DIRAS1: variants seen among roughly 807,000 people sequenced by gnomAD.
DIRAS1 encodes DIRAS family GTPase 1, also known as GTP-binding protein Di-Ras1.
In DIRAS1, 3 loss-of-function variants were observed where a neutral mutation model predicts 11.5. The observed-to-expected ratio is 0.26, with a 90% confidence interval of 0.12 to 0.67. DIRAS1 has a LOEUF of 0.67. Ranked by LOEUF, DIRAS1 falls within the 30% of genes least tolerant of loss-of-function variation. DIRAS1 has a pLI of 0.80. For synonymous variants in DIRAS1, 128 were observed against 125.8 expected (o/e 1.02, Z -0.12); for missense variants, 212 against 285.3 (o/e 0.74, Z 1.85).
rs1913881748 is a variant in DIRAS1 at position 2,718,551 on chromosome 19, GT to G, written c.-69-677del. 6.6e-6 allele frequency among the ~76,000 whole-genome samples: 1 copy of G among 152,182 alleles called. No individual in the cohort carries two copies. Among genetic ancestry groups the G allele is most frequent in the African/African-American group, 2.4e-5 (1 of 41,434 alleles). On this transcript the variant is annotated intron_variant, in intron 1 of 1. Transcript: ENST00000323469. The surrounding 1 kb of genome is among the most constrained non-coding windows in gnomAD (Gnocchi z 4.2). ...ATTTATTTATTTATTTTTAGACAGA[GT>G]TTCGCTCTTGCTGCCCAGGCTGGAG...
Position 2,717,440 on chromosome 19 carries a change from A to G in DIRAS1, c.367T>C (p.Cys123Arg), listed in dbSNP as rs1246355680. Residue 123 changes from cysteine to arginine, a missense_variant, in exon 2 of 2, where the codon TGC becomes CGC. Around this residue, in one of 2 missense-constraint regions of DIRAS1, gnomAD observed 128 missense variants for 205.3 expected, o/e 0.62. Transcript: ENST00000323469. ...TCCACCTCCCGCTGCGTCTCATCGC[A>G]CTTGTTGCCCACGAGCATCACGGGG... Reference protein sequence around the residue: ...DIPVMLVGNKCDETQREVDTR... With the variant: ...DIPVMLVGNKRDETQREVDTR... The G allele has an allele frequency of 6.2e-7, 1 of 1,609,376 alleles. No homozygotes were observed. The highest frequency in any genetic ancestry group is 8.5e-7 in the Non-Finnish European group (1 of 1,179,980).
At chr19:2,719,211 A>AAATAG (rs1364571123) in intron 1 of DIRAS1, 1 of 152,208 alleles carries the variant, frequency 6.6e-6, no homozygotes, top group African/African-American at 2.4e-5. Flanking sequence ...AAATCAGGGC[A>AAATAG]CTGATTCCCA....
Position 2,717,617 on chromosome 19 carries a change from C to T in DIRAS1, c.190G>A (p.Gly64Ser), listed in dbSNP as rs1913854152. ...VCTLQITDTT[G>S]SHQFPAMQRL... ...TGCATGGCCGGGAACTGGTGGCTGC[C>T]GGTGGTGTCTGTGATCTGCAGCGTG... Residue 64 changes from glycine to serine, a missense_variant, in exon 2 of 2, where the codon GGC becomes AGC. Gly to Ser is a moderately conservative substitution (Grantham distance 56). This residue lies in a region of DIRAS1 where 128 missense variants were observed against 205.3 expected (regional missense o/e 0.62). Transcript: ENST00000323469. 2 of 1,613,282 alleles carry T rather than the reference C, an allele frequency of 1.2e-6. No individual in the cohort carries two copies. The highest frequency in any genetic ancestry group is 1.7e-6 in the Non-Finnish European group (2 of 1,179,958).
chr19:2,719,711 G>A (rs1276025096), intron 1 of DIRAS1, among the ~76,000 whole-genome samples: 1 of 151,982 alleles, frequency 6.6e-6, no homozygotes, highest in Non-Finnish European at 1.5e-5. Flanking sequence ...GTTCCCCGGG[G>A]GTCAGTGGTT....
In DIRAS1 at chr19:2,718,348, C is replaced by T. The variant is rs781540620; in HGVS notation, c.-69-473G>A. On this transcript the variant is annotated intron_variant, in intron 1 of 1. Coordinates refer to ENST00000323469, the MANE Select transcript of DIRAS1 (RefSeq NM_145173.4). This position sits in a 1 kb window ranked among gnomAD's most constrained non-coding sequence, Gnocchi z 4.2. ...CCTGTTTGGTGGCTCAAACGGTGCCCGTCTCCAACAACCATGGGTCCCCTG... is the reference window on the plus strand; with the variant it reads ...CCTGTTTGGTGGCTCAAACGGTGCCTGTCTCCAACAACCATGGGTCCCCTG... Among the ~76,000 whole-genome samples the T allele has an allele frequency of 4.6e-5, 7 of 152,130 alleles. No individual in the cohort carries two copies. Among genetic ancestry groups the T allele is most frequent in the Non-Finnish European group, 8.8e-5 (6 of 68,026 alleles).
At position 2,717,726 on chromosome 19, in the gene DIRAS1, G is replaced by A. The variant is rs762064600; in HGVS notation, c.81C>T (p.Phe27=). The change falls in exon 2 of 2, where the codon TTC becomes TTT. Residue 27 remains phenylalanine, a synonymous_variant. Coordinates refer to ENST00000323469, the MANE Select transcript of DIRAS1 (RefSeq NM_145173.4). The stretch of plus-strand genomic sequence containing the variant: ...AGGTGTCGCGGAACGTGCCCTTCAC[G>A]AAGCGCAGCACCAGCGAGCTCTTGC... ...GVGKSSLVLR[F]VKGTFRDTYI... 5.6e-6 allele frequency: 9 copies of A among 1,607,422 alleles called. No individual in the cohort carries two copies. Among genetic ancestry groups the A allele is most frequent in the East Asian group, 4.5e-5 (2 of 44,890 alleles).
chr19:2,720,093 G>T (rs1367267908), intron 1 of DIRAS1, among the ~76,000 whole-genome samples: 3 of 152,062 alleles, frequency 2.0e-5, no homozygotes, highest in Admixed American at 2.0e-4. Context: ...TGGACTACAT[G>T]CATAGTAATT....
chr19:2,718,298 TGCCGA>T lies in DIRAS1; in HGVS notation c.-69-428_-69-424del, dbSNP rs1301920769. Among the ~76,000 whole-genome samples, 1 of 152,116 alleles carries T rather than the reference TGCCGA, an allele frequency of 6.6e-6. No individual in the cohort carries two copies. The highest frequency in any genetic ancestry group is 2.4e-5 in the African/African-American group (1 of 41,426). On this transcript the variant is annotated intron_variant, in intron 1 of 1. Coordinates refer to ENST00000323469, the MANE Select transcript of DIRAS1 (RefSeq NM_145173.4). This position sits in a 1 kb window ranked among gnomAD's most constrained non-coding sequence, Gnocchi z 4.2. ...CCACACCTGCCTGGCTCTGAGACCT[TGCCGA>T]GCCATCATGCCACCCTGAGCCTGTT...
intron 1 of DIRAS1, among the ~76,000 whole-genome samples, chr19:2,720,605 T>G (rs1489043842): frequency 6.7e-6 from 1 of 148,998 alleles, no homozygotes; most frequent in Non-Finnish European, 1.5e-5. Context: ...GCAGGGCCAA[T>G]CTACCCCAGC....
At chr19:2,721,074 G>A (rs1471126156) in intron 1 of DIRAS1, among the ~76,000 whole-genome samples, 1 of 150,520 alleles carries the variant, frequency 6.6e-6, no homozygotes, top group Admixed American at 6.6e-5. Flanking sequence ...GCGCCCTCCG[G>A]GTGGGGGAGG....
intron 1 of DIRAS1, among the ~76,000 whole-genome samples, chr19:2,719,945 A>G (rs1301176278): frequency 1.3e-5 from 2 of 152,306 alleles, no homozygotes; most frequent in East Asian, 3.9e-4. Flanking sequence ...CTTCTGGATT[A>G]TCAAGGGTAA....
chr19:2,717,936 C>G, intron 1 of DIRAS1, 61 bp from the exon 2 acceptor site: 3 of 968,458 alleles, frequency 3.1e-6, no homozygotes, highest in Non-Finnish European at 4.5e-6. Flanking sequence ...CAGCCCCACG[C>G]CCCGGGGAGG....
chr19:2,716,869 G>A lies in DIRAS1; in HGVS notation c.*341C>T, dbSNP rs1164214167. On this transcript the variant is annotated 3_prime_UTR_variant, in exon 2 of 2. Transcript: ENST00000323469. ...CCCCAGGGAAAGAGATGGAAACGGG[G>A]AAACGCAGCCTCCTCTGGTCCTGGT... is the stretch of plus-strand genomic sequence containing the variant. 1 of 293,390 alleles carries A rather than the reference G, an allele frequency of 3.4e-6. No homozygotes were observed. Among genetic ancestry groups the A allele is most frequent in the Non-Finnish European group, 6.3e-6 (1 of 157,608 alleles). The allele number at this position is 293,390 out of a possible 1,614,324, so 18.2% of individuals were successfully genotyped here. A position where few individuals can be genotyped will look rare whatever the true frequency, so the allele number is the denominator to read the frequency against.
At position 2,715,061 on chromosome 19, in the gene DIRAS1, G is replaced by C. The variant is rs1175156330; in HGVS notation, c.*2149C>G. ...CAATGCCAGCTCTTCTGGGAGCCCG[G>C]TCCACGTGCTGGATAGCAACACACA... On this transcript the variant is annotated 3_prime_UTR_variant, in exon 2 of 2. Coordinates refer to ENST00000323469, the MANE Select transcript of DIRAS1 (RefSeq NM_145173.4). The C allele has an allele frequency of 6.6e-6, 1 of 152,382 alleles. No individual in the cohort carries two copies. Among genetic ancestry groups the C allele is most frequent in the Non-Finnish European group, 1.5e-5 (1 of 68,054 alleles). The allele number at this position is 152,382 out of a possible 1,614,324, so 9.4% of individuals were successfully genotyped here. A position where few individuals can be genotyped will look rare whatever the true frequency, so the allele number is the denominator to read the frequency against.
Position 2,718,599 on chromosome 19 carries a change from C to T in DIRAS1, c.-69-724G>A, listed in dbSNP as rs535717718. Among the ~76,000 whole-genome samples, 8 of 152,314 alleles carry T rather than the reference C, an allele frequency of 5.3e-5. No homozygotes were observed. The highest frequency in any genetic ancestry group is 9.6e-5 in the African/African-American group (4 of 41,564). ...GGAGTGCAATGGCACAATCTTGGCT[C>T]GCCGCAACCTCCACCTCCCGGGTTC... On this transcript the variant is annotated intron_variant, in intron 1 of 1. Transcript: ENST00000323469. This position sits in a 1 kb window ranked among gnomAD's most constrained non-coding sequence, Gnocchi z 4.2.
rs1050562884 is a variant in DIRAS1, at chr19:2,718,053, C to T, written c.-69-178G>A. 7.1e-6 allele frequency: 4 copies of T among 567,310 alleles called. No homozygotes were observed. The highest frequency in any genetic ancestry group is 2.8e-5 in the East Asian group (1 of 35,304). 35.1% of individuals were successfully genotyped at this position (567,310 alleles called of 1,614,324 possible). On this transcript the variant is annotated intron_variant, in intron 1 of 1. Coordinates refer to ENST00000323469, the MANE Select transcript of DIRAS1 (RefSeq NM_145173.4). This position sits in a 1 kb window ranked among gnomAD's most constrained non-coding sequence, Gnocchi z 4.2. ...TTTGCAGTTCTGTCCCACAGGCGGGCGCACAGCCAACACCCTTTGCTTACT... is the reference window on the plus strand; with the variant it reads ...TTTGCAGTTCTGTCCCACAGGCGGGTGCACAGCCAACACCCTTTGCTTACT...
Position 2,717,268 on chromosome 19 carries a change from T to C in DIRAS1, c.539A>G (p.Lys180Arg). 1 of 1,611,088 alleles carries C rather than the reference T, an allele frequency of 6.2e-7. No homozygotes were observed. Among genetic ancestry groups the C allele is most frequent in the Non-Finnish European group, 8.5e-7 (1 of 1,178,956 alleles). ...TGTCCTCTTCTGCTTCCCGGAGCGCTTGCCGTCGATGTTGAGGCTCATGTT... is the reference window on the plus strand; with the variant it reads ...TGTCCTCTTCTGCTTCCCGGAGCGCCTGCCGTCGATGTTGAGGCTCATGTT... The part of the protein sequence containing the change: ...RRNMSLNIDG[K>R]RSGKQKRTDR... The change falls in exon 2 of 2, where the codon AAG (lysine) becomes AGG (arginine). Residue 180 changes from lysine (K) to arginine (R), a missense_variant. Around this residue, in one of 2 missense-constraint regions of DIRAS1, gnomAD observed 84 missense variants for 79.9 expected, o/e 1.05. Coordinates refer to ENST00000323469, the MANE Select transcript of DIRAS1 (RefSeq NM_145173.4).
In DIRAS1 at chr19:2,717,310, G is replaced by C; in HGVS notation, c.497C>G (p.Thr166Arg). The C allele has an allele frequency of 6.2e-7, 1 of 1,612,328 alleles. No homozygotes were observed. The highest frequency in any genetic ancestry group is 1.3e-5 in the African/African-American group (1 of 75,028). ...GCTCATGTTCCGGCGCGTCTCCAGC[G>C]TCAGCAGCTCCTGGAAGAGCTCCTT... The part of the protein sequence containing the change: ...NVKELFQELL[T>R]LETRRNMSLN... The change falls in exon 2 of 2, where the codon ACG (threonine) becomes AGG (arginine). Residue 166 changes from threonine to arginine, a missense_variant. This residue lies in a region of DIRAS1 where 84 missense variants were observed against 79.9 expected (regional missense o/e 1.05). Coordinates refer to ENST00000323469, the MANE Select transcript of DIRAS1 (RefSeq NM_145173.4).
chr19:2,719,719 G>A (rs1296418033), intron 1 of DIRAS1, among the ~76,000 whole-genome samples: 2 of 152,102 alleles, frequency 1.3e-5, no homozygotes, highest in Non-Finnish European at 2.9e-5. Context: ...GGGGTCAGTG[G>A]TTTGAACCTA....
Sources: gnomAD v4.1 joint callset for allele counts (sites outside exome capture counted in the v4.1 genomes callset) on GRCh38, gnomAD v4.1.1 for gene constraint, gnomAD v4.1.1 regional missense constraint, Gnocchi (gnomAD v3.1) non-coding constraint, MANE v1.5 for transcripts, NCBI Gene and HGNC (gene_info 2026-07-23, HGNC 2026-07-21) for gene names.